MAGI1: variants seen among roughly 807,000 people sequenced by gnomAD.
MAGI1 encodes the protein membrane associated guanylate kinase, WW and PDZ domain containing 1, also known as membrane-associated guanylate kinase, WW and PDZ domain-containing protein 1.
Under a neutral mutation model 139.9 loss-of-function variants are expected in MAGI1, and 58 were observed. That is an observed-to-expected ratio of 0.41 (90% CI 0.34 to 0.52). MAGI1 has a LOEUF of 0.52. Among genes scored for constraint, MAGI1 ranks in the 20% least tolerant of loss-of-function variants. The probability of loss-of-function intolerance (pLI) is 0.12; values close to 1 mark genes in which losing one functional copy is unlikely to be tolerated. For missense variants in MAGI1, 1,874 were observed against 1,901.6 expected (o/e 0.99, Z 0.27); for synonymous variants, 812 against 737.9 (o/e 1.10, Z -1.63).
chr3:65,956,659 T>A (rs1304766351), intron 1 of MAGI1, among the ~76,000 whole-genome samples: 2 of 152,298 alleles, frequency 1.3e-5, no homozygotes, highest in East Asian at 3.9e-4. Flanking sequence ...ACCCATAGAC[T>A]ACTCGTGGTA....
At chr3:65,532,173 T>C (rs2078745003) in intron 2 of MAGI1, among the ~76,000 whole-genome samples, 1 of 152,218 alleles carries the variant, frequency 6.6e-6, no homozygotes, top group Admixed American at 6.5e-5. Flanking sequence ...TCCAATGGTT[T>C]CTATTCAACG....
chr3:65,807,044 T>G (rs956624866), intron 1 of MAGI1, among the ~76,000 whole-genome samples: 1 of 152,240 alleles, frequency 6.6e-6, no homozygotes, highest in African/African-American at 2.4e-5. Context: ...ATACACTTTC[T>G]TCTGTAAGAC....
intron 12 of MAGI1, among the ~76,000 whole-genome samples, chr3:65,417,063 G>A (rs569363551): frequency 2.0e-4 from 30 of 152,232 alleles, no homozygotes; most frequent in South Asian, 1.2e-3. Flanking sequence ...TAACGGTTTC[G>A]AAAATGCTCA....
chr3:65,926,355 C>CTCTCTCTCTG (rs2062512460), intron 1 of MAGI1, among the ~76,000 whole-genome samples: 3 of 150,764 alleles, frequency 2.0e-5, no homozygotes, highest in Non-Finnish European at 4.4e-5. Flanking sequence ...CTCTCTCTCT[C>CTCTCTCTCTG]TCTCTCTCTC....
chr3:65,985,924 TG>T (rs1196091345), intron 1 of MAGI1, among the ~76,000 whole-genome samples: 2 of 152,236 alleles, frequency 1.3e-5, no homozygotes. Context: ...ACATGCTCAG[TG>T]ACTTGGCTTA....
chr3:65,930,572 AGGCTGATACCTACTG>A (rs2106722348), intron 1 of MAGI1, among the ~76,000 whole-genome samples: 1 of 152,248 alleles, frequency 6.6e-6, no homozygotes, highest in South Asian at 2.1e-4. Flanking sequence ...AGGTAAAATG[AGGCTGATACCTACTG>A]GGCTGCATTC....
At chr3:65,902,434 G>C (rs999264407) in intron 1 of MAGI1, among the ~76,000 whole-genome samples, 1 of 152,178 alleles carries the variant, frequency 6.6e-6, no homozygotes, top group African/African-American at 2.4e-5. Flanking sequence ...CCTAGACACG[G>C]ACTTGAGAAC....
intron 1 of MAGI1, among the ~76,000 whole-genome samples, chr3:65,775,661 T>A (rs1672577794): frequency 6.6e-6 from 1 of 151,942 alleles, no homozygotes; most frequent in South Asian, 2.1e-4. Context: ...TGGTTTCTGG[T>A]CAAACACAGT....
rs9814249 is a variant in MAGI1 at position 65,398,701 on chromosome 3, G to C, written c.2199+2738C>G. 9.4e-3 allele frequency among the ~76,000 whole-genome samples: 1,435 copies of C among 152,212 alleles called. 22 individuals carry two copies. The highest frequency in any genetic ancestry group is 0.033 in the African/African-American group (1,364 of 41,518). On this transcript the variant is annotated intron_variant, in intron 13 of 22. Transcript: ENST00000402939. ...ATGATTAAGTTGGGCCACAGAATCA[G>C]TTTCCCAGAGAGGTCTAAAACCTGA...
intron 2 of MAGI1, among the ~76,000 whole-genome samples, chr3:65,610,944 G>T (rs973204470): frequency 3.8e-5 from 5 of 130,340 alleles, no homozygotes; most frequent in South Asian, 4.8e-4. Flanking sequence ...ATATATAGTA[G>T]ATAGTATATA....
chr3:65,726,920 A>G (rs897663164), intron 1 of MAGI1, among the ~76,000 whole-genome samples: 8 of 151,658 alleles, frequency 5.3e-5, no homozygotes, highest in Non-Finnish European at 1.0e-4. Context: ...GAGTATCCCT[A>G]ATCCAAAAAT....
chr3:65,821,180 C>T (rs2041930866), intron 1 of MAGI1, among the ~76,000 whole-genome samples: 1 of 152,088 alleles, frequency 6.6e-6, no homozygotes, highest in African/African-American at 2.4e-5. Flanking sequence ...CTTAGTATCA[C>T]AGGATTGTAG....
At chr3:65,457,047 T>C (rs1487051013) in intron 5 of MAGI1, among the ~76,000 whole-genome samples, 1 of 152,206 alleles carries the variant, frequency 6.6e-6, no homozygotes, top group Non-Finnish European at 1.5e-5. Flanking sequence ...TGCCTTTCCA[T>C]TTATATTTTA....
At chr3:65,872,218 A>G (rs1482990657) in intron 1 of MAGI1, among the ~76,000 whole-genome samples, 1 of 152,238 alleles carries the variant, frequency 6.6e-6, no homozygotes, top group Non-Finnish European at 1.5e-5. Context: ...AATGCTTCAT[A>G]TACTGCTCAC....
intron 2 of MAGI1, chr3:65,597,860 AGCCT>A: frequency 4.5e-6 from 2 of 447,198 alleles, no homozygotes; most frequent in Admixed American, 4.8e-5. Flanking sequence ...TCCCTTTGTG[AGCCT>A]GAAACCGCCT....
chr3:65,397,522 T>C (rs932535355), intron 13 of MAGI1, among the ~76,000 whole-genome samples: 4 of 151,906 alleles, frequency 2.6e-5, no homozygotes, highest in Non-Finnish European at 4.4e-5. Flanking sequence ...TAAAAACTTT[T>C]TGTAGGATTT....
At chr3:65,741,442 G>A (rs1007719653) in intron 1 of MAGI1, among the ~76,000 whole-genome samples, 2 of 152,164 alleles carry the variant, frequency 1.3e-5, no homozygotes, top group African/African-American at 4.8e-5. Flanking sequence ...CCAAAGTGCT[G>A]GGATTACAGG....
Position 65,429,838 on chromosome 3 carries a change from C to G in MAGI1, c.1849G>C (p.Ala617Pro), listed in dbSNP as rs146288848. 6.2e-7 allele frequency: 1 copy of G among 1,613,864 alleles called. No homozygotes were observed. Among genetic ancestry groups the G allele is most frequent in the African/African-American group, 1.3e-5 (1 of 74,914 alleles). ...GGATAACCATGAGAACTATTTGAAG[C>G]CACGTCCGCTGGGCTGCTTGGCCTG... ...DARPSSPADV[A>P]SNSSHGYPND... Residue 617 changes from alanine to proline, a missense_variant, in exon 12 of 23, where the codon GCT becomes CCT. Transcript: ENST00000402939.
chr3:65,496,348 T>C (rs937956855), intron 2 of MAGI1, among the ~76,000 whole-genome samples: 2 of 152,168 alleles, frequency 1.3e-5, no homozygotes, highest in Non-Finnish European at 2.9e-5. Context: ...AGCTTGGTTT[T>C]CCTTTTTAAA....
Sources: allele counts gnomAD v4.1 joint callset (sites outside exome capture counted in the v4.1 genomes callset), GRCh38; gene constraint gnomAD v4.1.1; transcripts MANE v1.5; gene names NCBI Gene and HGNC (gene_info 2026-07-23, HGNC 2026-07-21).